Variants in EGFR observed in about 807,000 individuals in gnomAD.
The protein encoded by EGFR is avian erythroblastic leukemia viral (v-erb-b) oncogene homolog.
A neutral mutation model predicts 143.0 loss-of-function variants in EGFR; 58 were observed. The observed-to-expected ratio is 0.41, with a 90% CI of 0.33 to 0.50. EGFR has a LOEUF of 0.50. Among genes scored for constraint, EGFR ranks in the 20% least tolerant of loss-of-function variants. The pLI, the probability that EGFR is intolerant of heterozygous loss-of-function variation, is 0.39. For missense variants in EGFR, 1,307 were observed against 1,579.0 expected (o/e 0.83, Z 2.92); for synonymous variants, 613 against 594.4 (o/e 1.03, Z -0.45).
At chr7:55,168,351 C>T (rs1446091983) in intron 15 of EGFR, among the ~76,000 whole-genome samples, 2 of 152,156 alleles carry the variant, frequency 1.3e-5, no homozygotes, top group African/African-American at 2.4e-5. Flanking sequence ...TGTCAGTGAG[C>T]ATATGTTGCT....
At chr7:55,020,248 C>T (rs1034880760) in intron 1 of EGFR, among the ~76,000 whole-genome samples, 2 of 152,228 alleles carry the variant, frequency 1.3e-5, no homozygotes, top group East Asian at 3.9e-4. Context: ...CTCCTGGGCG[C>T]CCGCGCCGAA....
At chr7:55,099,224 C>T (rs953843063) in intron 1 of EGFR, among the ~76,000 whole-genome samples, 2 of 152,212 alleles carry the variant, frequency 1.3e-5, no homozygotes, top group Non-Finnish European at 1.5e-5. Flanking sequence ...GCTACAAAGA[C>T]TGTGCTTGAG....
intron 12 of EGFR, 134 bp downstream of exon 12, chr7:55,160,472 A>T: frequency 2.0e-6 from 2 of 993,702 alleles, no homozygotes. Context: ...AAATCTTAAG[A>T]TTCCTAACTG....
At chr7:55,115,628 C>T (rs1246284452) in intron 1 of EGFR, among the ~76,000 whole-genome samples, 1 of 152,146 alleles carries the variant, frequency 6.6e-6, no homozygotes, top group Admixed American at 6.5e-5. Context: ...GAAATTTCAG[C>T]TTCACATTCC....
rs1329187233 is a variant in EGFR at position 55,207,399 on chromosome 7, A to C, written c.*1782A>C. 1 of 209,962 alleles carries C rather than the reference A, an allele frequency of 4.8e-6. No individual in the cohort carries two copies. Among genetic ancestry groups the C allele is most frequent in the African/African-American group, 2.3e-5 (1 of 44,048 alleles). 13.0% of individuals were successfully genotyped at this position (209,962 alleles called of 1,614,324 possible). A position where few individuals can be genotyped will look rare whatever the true frequency, so the allele number is the denominator to read the frequency against. On this transcript the variant is annotated 3_prime_UTR_variant, in exon 28 of 28. Transcript: ENST00000275493. ...CCTGGTATGGGTATGAAAGATACAA[A>C]GATAAATAAAACATAGTCCCTGATT...
intron 5 of EGFR, 44 bp downstream of exon 5, chr7:55,151,406 T>C (rs1469285683): frequency 1.3e-6 from 2 of 1,595,768 alleles, no homozygotes; most frequent in Non-Finnish European, 1.7e-6. Context: ...ACCGCCCCTC[T>C]CTTCCTTCAC....
At chr7:55,178,247 A>G (rs867563018) in intron 19 of EGFR, among the ~76,000 whole-genome samples, 2 of 152,232 alleles carry the variant, frequency 1.3e-5, no homozygotes, top group African/African-American at 2.4e-5. Context: ...ATGGTTGTAC[A>G]GCTTCCCAGA....
chr7:55,173,261 T>A (rs1418372104), intron 17 of EGFR, 137 bp downstream of exon 17: 7 of 1,314,490 alleles, frequency 5.3e-6, no homozygotes, highest in Non-Finnish European at 7.3e-6. Context: ...TCTCTGAATG[T>A]GCAGTTATAC....
At chr7:55,087,731 C>G (rs1790851352) in intron 1 of EGFR, among the ~76,000 whole-genome samples, 1 of 152,216 alleles carries the variant, frequency 6.6e-6, no homozygotes, top group South Asian at 2.1e-4. Flanking sequence ...CTAGCCAGCC[C>G]TGTCAGGCAG....
Position 55,091,699 on chromosome 7 carries a change from G to T in EGFR, c.89-50587G>T, listed in dbSNP as rs562471555. ...GACTAGTGGCAAGCCGGGCCCAGGA[G>T]TAGCACTTAAACAATGGCAGGCTTG... On this transcript the variant is annotated intron_variant, in intron 1 of 27. Coordinates refer to ENST00000275493, the MANE Select transcript of EGFR (RefSeq NM_005228.5). Among the ~76,000 whole-genome samples the T allele has an allele frequency of 5.9e-5, 9 of 152,304 alleles. No homozygotes were observed. The South Asian group carries it at 1.5e-3, about 25-fold the overall frequency.
chr7:55,074,126 C>T (rs1299240454), intron 1 of EGFR, among the ~76,000 whole-genome samples: 11 of 152,230 alleles, frequency 7.2e-5, no homozygotes. Context: ...GTTACCCCTG[C>T]TGCGCTCTGG....
intron 1 of EGFR, among the ~76,000 whole-genome samples, chr7:55,026,406 G>T (rs1786887521): frequency 6.6e-6 from 1 of 152,090 alleles, no homozygotes; most frequent in South Asian, 2.1e-4. Flanking sequence ...ATAGGGTCTG[G>T]CTCGACAGAG....
At chr7:55,140,322 C>T (rs1462480910) in intron 1 of EGFR, among the ~76,000 whole-genome samples, 3 of 152,102 alleles carry the variant, frequency 2.0e-5, no homozygotes, top group Admixed American at 1.3e-4. Flanking sequence ...TCTTCTGCAA[C>T]GTGTTCCAGC....
intron 22 of EGFR, among the ~76,000 whole-genome samples, chr7:55,196,865 T>G (rs990297904): frequency 6.6e-6 from 1 of 152,154 alleles, no homozygotes; most frequent in African/African-American, 2.4e-5. Context: ...TCTGTTTCAT[T>G]GGTCTGTATG....
intron 13 of EGFR, among the ~76,000 whole-genome samples, chr7:55,162,609 G>A (rs1785765140): frequency 6.6e-6 from 1 of 152,160 alleles, no homozygotes; most frequent in African/African-American, 2.4e-5. Flanking sequence ...ACGCCCACGT[G>A]GGGAGCCCCA....
chr7:55,092,832 G>A (rs912016346), intron 1 of EGFR, among the ~76,000 whole-genome samples: 49 of 152,222 alleles, frequency 3.2e-4, no homozygotes, highest in African/African-American at 1.1e-3. Context: ...CCAGCAATTC[G>A]CAGATAACAA....
At chr7:55,057,787 A>C (rs1166796831) in intron 1 of EGFR, among the ~76,000 whole-genome samples, 1 of 152,304 alleles carries the variant, frequency 6.6e-6, no homozygotes, top group Admixed American at 6.5e-5. Context: ...TATTGTTCTC[A>C]CATTTAAGTG....
intron 8 of EGFR, 144 bp from the exon 9 acceptor site, chr7:55,156,389 G>C (rs1305932187): frequency 1.7e-6 from 2 of 1,202,552 alleles, no homozygotes; most frequent in African/African-American, 3.0e-5. Context: ...AGCCCCTTCA[G>C]TGTTTGTTGA....
At chr7:55,116,509 A>G (rs577902859) in intron 1 of EGFR, among the ~76,000 whole-genome samples, 1 of 150,386 alleles carries the variant, frequency 6.6e-6, no homozygotes, top group African/African-American at 2.4e-5. Flanking sequence ...TAAACTTTCA[A>G]GTATAACTAA....
Sources: gnomAD v4.1 joint callset for allele counts (sites outside exome capture counted in the v4.1 genomes callset) on GRCh38, gnomAD v4.1.1 for gene constraint, MANE v1.5 for transcripts, NCBI Gene and HGNC (gene_info 2026-07-23, HGNC 2026-07-21) for gene names.